NUMB: variants seen among roughly 807,000 people sequenced by gnomAD.
The protein encoded by NUMB is protein numb homolog.
A neutral mutation model predicts 59.7 loss-of-function variants in NUMB; 29 were observed. The observed-to-expected ratio is 0.49, with a 90% CI of 0.36 to 0.66. The LOEUF (loss-of-function observed/expected upper bound fraction) is 0.66. Ranked by LOEUF, NUMB falls within the 30% of genes least tolerant of loss-of-function variation. The pLI, the probability that NUMB is intolerant of heterozygous loss-of-function variation, is 0.00. For synonymous variants in NUMB, 288 were observed against 288.2 expected (o/e 1.00, Z 0.01); for missense variants, 723 against 822.0 (o/e 0.88, Z 1.47).
intron 1 of NUMB, among the ~76,000 whole-genome samples, chr14:73,432,450 T>C (rs1897874366): frequency 6.6e-6 from 1 of 152,102 alleles, no homozygotes; most frequent in African/African-American, 2.4e-5. Flanking sequence ...CCTATTTATT[T>C]TGTATATTTA....
intron 2 of NUMB, among the ~76,000 whole-genome samples, chr14:73,400,675 G>A (rs1896368319): frequency 6.6e-6 from 1 of 152,196 alleles, no homozygotes; most frequent in African/African-American, 2.4e-5. Context: ...GAGGGAAGAG[G>A]AGCTGAAGGG....
chr14:73,323,184 A>G lies in NUMB; in HGVS notation c.147T>C (p.Val49=), dbSNP rs1432253474. 1.2e-6 allele frequency: 2 copies of G among 1,613,236 alleles called. No individual in the cohort carries two copies. The highest frequency in any genetic ancestry group is 2.7e-5 in the African/African-American group (2 of 74,918). Residue 49 remains valine (V), a synonymous_variant, in exon 5 of 13, where the codon GTT becomes GTC. Coordinates refer to ENST00000555238, the MANE Select transcript of NUMB (RefSeq NM_001005743.2). ...AGATGTGCATTCCTCTTGATTCATC[A>G]ACTTCTACATGGCCAAGGTACTGTA... ...FPVKYLGHVE[V]DESRGMHICE... is the part of the protein sequence containing the mutation.
intron 1 of NUMB, among the ~76,000 whole-genome samples, chr14:73,449,466 G>C (rs1883776833): frequency 6.6e-6 from 1 of 151,930 alleles, no homozygotes; most frequent in Non-Finnish European, 1.5e-5. Flanking sequence ...TATTTGTATT[G>C]TTTTATTTTT....
chr14:73,435,293 A>G (rs1177115913), intron 1 of NUMB, among the ~76,000 whole-genome samples: 30 of 68,314 alleles, frequency 4.4e-4, no homozygotes, highest in African/African-American at 1.5e-3. Context: ...TTTTTTTTTG[A>G]GACAGAGTCT....
At chr14:73,309,957 CTT>C (rs1890683822) in intron 6 of NUMB, among the ~76,000 whole-genome samples, 1 of 152,066 alleles carries the variant, frequency 6.6e-6, no homozygotes, top group African/African-American at 2.4e-5. Flanking sequence ...TTCTCTAAAA[CTT>C]AACCATTTCT....
At chr14:73,312,588 C>G (rs887513338) in intron 6 of NUMB, among the ~76,000 whole-genome samples, 1 of 152,012 alleles carries the variant, frequency 6.6e-6, no homozygotes, top group South Asian at 2.1e-4. Flanking sequence ...GTGGCACATG[C>G]CAATAGTCCC....
chr14:73,453,894 G>A (rs1216270035), intron 1 of NUMB, among the ~76,000 whole-genome samples: 19 of 152,158 alleles, frequency 1.2e-4, no homozygotes, highest in Non-Finnish European at 8.8e-5. Flanking sequence ...GGCATGAGCC[G>A]CCGCACCCGG....
chr14:73,352,457 CATACACACACACACACACACATAT>C (rs1183066344), intron 4 of NUMB, among the ~76,000 whole-genome samples: 10 of 19,072 alleles, frequency 5.2e-4, no homozygotes, highest in Non-Finnish European at 6.9e-4. Flanking sequence ...CACACACACA[CATACACACACACACACACACATAT>C]ATATATATAT....
intron 4 of NUMB, among the ~76,000 whole-genome samples, chr14:73,341,931 AC>A: frequency 6.6e-6 from 1 of 152,320 alleles, no homozygotes; most frequent in South Asian, 2.1e-4. Context: ...CTATTCCCTT[AC>A]AACATCATGT....
At chr14:73,294,451 T>C (rs563171278) in intron 7 of NUMB, among the ~76,000 whole-genome samples, 4 of 152,284 alleles carry the variant, frequency 2.6e-5, no homozygotes, top group African/African-American at 9.6e-5. Flanking sequence ...GGTCAGAGAT[T>C]TGGGCAGAAT....
At chr14:73,407,595 T>C (rs1407127311) in intron 2 of NUMB, among the ~76,000 whole-genome samples, 1 of 152,260 alleles carries the variant, frequency 6.6e-6, no homozygotes, top group Non-Finnish European at 1.5e-5. Context: ...GGTTCAGTTA[T>C]TTTCCATTAT....
At chr14:73,377,241 A>G (rs1301092881) in intron 2 of NUMB, among the ~76,000 whole-genome samples, 1 of 152,258 alleles carries the variant, frequency 6.6e-6, no homozygotes, top group Non-Finnish European at 1.5e-5. Flanking sequence ...GCTGGACTTC[A>G]TTAAAATTTA....
At chr14:73,357,219 A>G (rs528741695) in intron 3 of NUMB, among the ~76,000 whole-genome samples, 1 of 151,002 alleles carries the variant, frequency 6.6e-6, no homozygotes, top group East Asian at 2.0e-4. Context: ...CCTGGCTAAC[A>G]TAGCGAAACC....
chr14:73,394,073 C>A (rs1594983990), intron 2 of NUMB, among the ~76,000 whole-genome samples: 1 of 151,998 alleles, frequency 6.6e-6, no homozygotes, highest in East Asian at 1.9e-4. Context: ...TCAAGCGATT[C>A]TCCTGCCTTA....
At chr14:73,357,495 A>G (rs1204471396) in intron 3 of NUMB, among the ~76,000 whole-genome samples, 1 of 151,832 alleles carries the variant, frequency 6.6e-6, no homozygotes, top group Non-Finnish European at 1.5e-5. Context: ...ACAGTGGCTC[A>G]CGTGTGTAAT....
Position 73,288,454 on chromosome 14 carries a change from G to C in NUMB, c.451-1140C>G, listed in dbSNP as rs559146619. Among the ~76,000 whole-genome samples, 92 of 152,300 alleles carry C rather than the reference G, an allele frequency of 6.0e-4. 1 individual carries two copies. In the South Asian group the frequency reaches 0.019, roughly 31 times the overall value. On this transcript the variant is annotated intron_variant, in intron 8 of 12. Transcript: ENST00000555238. ...TAATCCCAGCTACTTGAGAGGCTGA[G>C]ACAGGAGAATTGCTTGAAGTCGGGA...
At chr14:73,388,210 G>T (rs190647971) in intron 2 of NUMB, among the ~76,000 whole-genome samples, 6 of 152,082 alleles carry the variant, frequency 3.9e-5, no homozygotes, top group African/African-American at 1.4e-4. Context: ...GAACATTTTC[G>T]TTTCAGAAAG....
chr14:73,372,309 A>ATATATATATATATATATAACCTTT, intron 2 of NUMB, among the ~76,000 whole-genome samples: 1 of 86,836 alleles, frequency 1.2e-5, no homozygotes, highest in Middle Eastern at 5.4e-3. Flanking sequence ...TTTCTTTTAT[A>ATATATATATATATATATAACCTTT]TATATATATA....
At chr14:73,332,681 A>G (rs1892049196) in intron 4 of NUMB, among the ~76,000 whole-genome samples, 1 of 42,348 alleles carries the variant, frequency 2.4e-5, no homozygotes, top group South Asian at 6.6e-4. Flanking sequence ...TCAGCTATCC[A>G]GAGAAAAATA....
Sources: allele counts gnomAD v4.1 joint callset (sites outside exome capture counted in the v4.1 genomes callset), GRCh38; gene constraint gnomAD v4.1.1; transcripts MANE v1.5; gene names NCBI Gene and HGNC (gene_info 2026-07-23, HGNC 2026-07-21).